TRAP1: variants seen among roughly 807,000 people sequenced by gnomAD.
The protein encoded by TRAP1 is heat shock protein 75 kDa, mitochondrial.
A neutral mutation model predicts 89.1 loss-of-function variants in TRAP1; 102 were observed. The observed-to-expected ratio is 1.15, with a 90% confidence interval of 0.98 to 1.35. TRAP1 has a LOEUF of 1.35. Among genes scored for constraint, TRAP1 ranks in the 40% most tolerant of loss-of-function variants. The pLI, the probability that TRAP1 is intolerant of heterozygous loss-of-function variation, is 0.00. For synonymous variants in TRAP1, 508 were observed against 388.0 expected (o/e 1.31, Z -3.64); for missense variants, 1,256 against 945.3 (o/e 1.33, Z -4.31).
intron 13 of TRAP1, 65 bp from the exon 14 acceptor site, chr16:3,663,627 T>G: frequency 6.2e-7 from 1 of 1,600,266 alleles, no homozygotes; most frequent in Non-Finnish European, 8.5e-7. Flanking sequence ...GAAGAAAGGA[T>G]GAGGGCGGCA....
In TRAP1 at chr16:3,689,166, A is replaced by C. The variant is rs375355932; in HGVS notation, c.248-29T>G. On this transcript the variant is annotated intron_variant, in intron 2 of 17. Transcript: ENST00000246957. ...GTAATGAAACACAGACACAACCAAC[A>C]AAGTTTAACTTCTATTTTTGTGCAA... The C allele has an allele frequency of 1.3e-4, 211 of 1,586,314 alleles. 1 individual carries two copies. The highest frequency in any genetic ancestry group is 3.2e-5 in the Non-Finnish European group (37 of 1,156,984).
intron 11 of TRAP1, 37 bp downstream of exon 11, chr16:3,671,685 C>A (rs776446815): frequency 6.2e-7 from 1 of 1,605,324 alleles, no homozygotes; most frequent in Non-Finnish European, 8.5e-7. Flanking sequence ...GGGGCCTTGT[C>A]CCCAGCAGGG....
chr16:3,717,102 G>C (rs1448263081), intron 1 of TRAP1, among the ~76,000 whole-genome samples: 1 of 152,216 alleles, frequency 6.6e-6, no homozygotes, highest in African/African-American at 2.4e-5. Flanking sequence ...CCACCTGCAC[G>C]TGCGCTACCT....
At position 3,674,433 on chromosome 16, in the gene TRAP1, T is replaced by C; in HGVS notation, c.950A>G (p.Tyr317Cys). 1 of 1,614,108 alleles carries C rather than the reference T, an allele frequency of 6.2e-7. No individual in the cohort carries two copies. The highest frequency in any genetic ancestry group is 8.5e-7 in the Non-Finnish European group (1 of 1,180,032). The change falls in exon 9 of 18, where the codon TAC becomes TGC. Residue 317 changes from tyrosine (Y) to cysteine (C), a missense_variant. By Grantham distance (194) the Tyr-to-Cys change is radical. Transcript: ENST00000246957. ...REWQHEEFYR[Y>C]VAQAHDKPRY... ...GGGCTTGTCGTGAGCCTGCGCGACG[T>C]AGCGGTAGAACTCCTCATGTTGCCA...
At chr16:3,710,020 A>C (rs1048246509) in intron 1 of TRAP1, among the ~76,000 whole-genome samples, 2 of 152,238 alleles carry the variant, frequency 1.3e-5, no homozygotes, top group Non-Finnish European at 2.9e-5. Flanking sequence ...CTGAGTTCTT[A>C]GCTCTGGCAT....
chr16:3,673,987 C>G (rs1218650580), intron 9 of TRAP1, among the ~76,000 whole-genome samples: 20 of 152,204 alleles, frequency 1.3e-4, no homozygotes, highest in Admixed American at 1.3e-3. Flanking sequence ...CAAGCCTCCA[C>G]CCCAGCCTGC....
At chr16:3,672,462 T>C (rs1020375844) in intron 10 of TRAP1, among the ~76,000 whole-genome samples, 1 of 152,186 alleles carries the variant, frequency 6.6e-6, no homozygotes, top group African/African-American at 2.4e-5. Context: ...TCAGTATCCC[T>C]ACATATGGAA....
chr16:3,658,045 A>AGAAAT lies in TRAP1; in HGVS notation c.*79_*83dup. On this transcript the variant is annotated 3_prime_UTR_variant, in exon 18 of 18. Coordinates refer to ENST00000246957, the MANE Select transcript of TRAP1 (RefSeq NM_016292.3). ...AAAAGCCCAACACACACTCGGGTTA[A>AGAAAT]GAAATACCTTTAAATTTAGGTAAAT... The AGAAAT allele has an allele frequency of 6.2e-7, 1 of 1,608,324 alleles. No individual in the cohort carries two copies. The highest frequency in any genetic ancestry group is 8.5e-7 in the Non-Finnish European group (1 of 1,176,596).
At chr16:3,683,384 A>G (rs892096077) in intron 4 of TRAP1, among the ~76,000 whole-genome samples, 1 of 149,602 alleles carries the variant, frequency 6.7e-6, no homozygotes, top group Non-Finnish European at 1.5e-5. Flanking sequence ...ATATACTAAC[A>G]TTTCTTTTTT....
intron 11 of TRAP1, among the ~76,000 whole-genome samples, chr16:3,671,183 G>A (rs2050908153): frequency 6.6e-6 from 1 of 152,128 alleles, no homozygotes; most frequent in African/African-American, 2.4e-5. Context: ...CCTGCCCTAT[G>A]TGGCTGCCAA....
At position 3,699,862 on chromosome 16, in the gene TRAP1, A is replaced by G. The variant is rs190940107; in HGVS notation, c.89-8877T>C. 1.9e-4 allele frequency among the ~76,000 whole-genome samples: 28 copies of G among 146,074 alleles called. No individual in the cohort carries two copies. In the East Asian group the frequency reaches 5.0e-3, roughly 26 times the overall value. On this transcript the variant is annotated intron_variant, in intron 1 of 17. Transcript: ENST00000246957. The stretch of plus-strand genomic sequence containing the variant: ...TCTTTTTTTTTTTTTTTTCCTAGAG[A>G]TAGGGTGTTTCCATGTTGACCAGGC...
intron 1 of TRAP1, among the ~76,000 whole-genome samples, chr16:3,707,344 C>A (rs1404957214): frequency 6.6e-6 from 1 of 151,462 alleles, no homozygotes; most frequent in Non-Finnish European, 1.5e-5. Context: ...CACCACCACA[C>A]CCGGCTAATG....
At chr16:3,662,514 G>C (rs1462988215) in intron 15 of TRAP1, 2 of 524,980 alleles carry the variant, frequency 3.8e-6, no homozygotes, top group Admixed American at 5.5e-5. Context: ...GCTCTCTGAA[G>C]CCCACCCAAA....
chr16:3,673,887 C>T (rs977911306), intron 9 of TRAP1, among the ~76,000 whole-genome samples: 4 of 152,092 alleles, frequency 2.6e-5, no homozygotes, highest in African/African-American at 9.7e-5. Flanking sequence ...GACCACAGGC[C>T]CTTCCCAGAG....
intron 11 of TRAP1, among the ~76,000 whole-genome samples, chr16:3,670,603 C>A (rs2050900597): frequency 6.6e-6 from 1 of 151,984 alleles, no homozygotes; most frequent in Non-Finnish European, 1.5e-5. Context: ...ACTTGGGAGG[C>A]TGAGGTGGAA....
Position 3,674,413 on chromosome 16 carries a change from TGTC to T in TRAP1, c.967_969del (p.Asp323del), listed in dbSNP as rs1197981177. On this transcript the variant is annotated inframe_deletion, in exon 9 of 18. Transcript: ENST00000246957. ...TTATAGTGCAGGGTGTAGCGGGGCT[TGTC>T]GTGAGCCTGCGCGACGTAGCGGTAG... 2 of 1,614,116 alleles carry T rather than the reference TGTC, an allele frequency of 1.2e-6. No homozygotes were observed. Among genetic ancestry groups the T allele is most frequent in the East Asian group, 2.2e-5 (1 of 44,870 alleles).
intron 7 of TRAP1, 120 bp from the exon 8 acceptor site, chr16:3,675,517 T>A: frequency 1.1e-6 from 1 of 904,890 alleles, no homozygotes. Flanking sequence ...TGTGTACACT[T>A]CACAGGTACA....
chr16:3,694,732 C>T lies in TRAP1; in HGVS notation c.89-3747G>A, dbSNP rs1309975924. 2.0e-5 allele frequency among the ~76,000 whole-genome samples: 3 copies of T among 152,164 alleles called. No homozygotes were observed. The East Asian group carries it at 5.8e-4, about 29-fold the overall frequency. On this transcript the variant is annotated intron_variant, in intron 1 of 17. Coordinates refer to ENST00000246957, the MANE Select transcript of TRAP1 (RefSeq NM_016292.3). ...GACTCAAGTAATCCTCCCACTTTGG[C>T]CTCTTAAAGCACTAGGATGACAGGT...
At chr16:3,716,064 T>C (rs561211660) in intron 1 of TRAP1, among the ~76,000 whole-genome samples, 14 of 152,260 alleles carry the variant, frequency 9.2e-5, no homozygotes, top group African/African-American at 3.4e-4. Flanking sequence ...GGTTTCACCA[T>C]GTTGGCCAGG....
Sources: gnomAD v4.1 joint callset for allele counts (sites outside exome capture counted in the v4.1 genomes callset) on GRCh38, gnomAD v4.1.1 for gene constraint, MANE v1.5 for transcripts, NCBI Gene and HGNC (gene_info 2026-07-23, HGNC 2026-07-21) for gene names.